SH2D4B: variants seen among roughly 807,000 people sequenced by gnomAD.
SH2D4B encodes SH2 domain-containing protein 4B.
Under a neutral mutation model 61.5 loss-of-function variants are expected in SH2D4B, and 45 were observed. That is an observed-to-expected ratio of 0.73 (90% confidence interval 0.58 to 0.94). The LOEUF (loss-of-function observed/expected upper bound fraction) is 0.94. SH2D4B is among the 40% of genes least tolerant of loss of function. The pLI is 0.00. For missense variants in SH2D4B, 572 were observed against 574.2 expected (o/e 1.00, Z 0.04); for synonymous variants, 224 against 220.4 (o/e 1.02, Z -0.14).
intron 6 of SH2D4B, among the ~76,000 whole-genome samples, chr10:80,626,033 T>C (rs1842764346): frequency 6.6e-6 from 1 of 152,224 alleles, no homozygotes; most frequent in Admixed American, 6.5e-5. Context: ...TAGTTCCATC[T>C]TTTTCAAAAC....
In SH2D4B at chr10:80,583,789, A is replaced by G. The variant is rs187599183; in HGVS notation, c.496-4841A>G. On this transcript the variant is annotated intron_variant, in intron 3 of 7. Coordinates refer to ENST00000646907, the MANE Select transcript of SH2D4B (RefSeq NM_001388272.1). ...CTATAAGGAAAAACAAGAAATTAGA[A>G]GAGAAGAAATTATCAAAGAAATGCT... 1.3e-3 allele frequency among the ~76,000 whole-genome samples: 201 copies of G among 152,336 alleles called. 1 individual carries two copies. The highest frequency in any genetic ancestry group is 4.5e-3 in the African/African-American group (188 of 41,570).
chr10:80,540,244 C>T (rs559658670), intron 1 of SH2D4B, among the ~76,000 whole-genome samples: 7 of 152,248 alleles, frequency 4.6e-5, no homozygotes, highest in Non-Finnish European at 8.8e-5. Flanking sequence ...GTCAGGATCC[C>T]GCTTGGATCC....
intron 4 of SH2D4B, among the ~76,000 whole-genome samples, chr10:80,596,515 G>A (rs1265508799): frequency 6.6e-6 from 1 of 152,210 alleles, no homozygotes; most frequent in Non-Finnish European, 1.5e-5. Flanking sequence ...TCTTGGCCTA[G>A]TGTTCTGGCC....
intron 1 of SH2D4B, among the ~76,000 whole-genome samples, chr10:80,549,799 A>T (rs1589331103): frequency 6.6e-6 from 1 of 152,036 alleles, no homozygotes; most frequent in Non-Finnish European, 1.5e-5. Context: ...AAGCTGCACA[A>T]CCTCGACTTA....
At chr10:80,603,484 T>G (rs901517155) in intron 4 of SH2D4B, 95 bp from the exon 5 acceptor site, 5 of 1,191,670 alleles carry the variant, frequency 4.2e-6, no homozygotes, top group Non-Finnish European at 5.8e-6. Context: ...ACATTGCAAT[T>G]ACTTTTGCAC....
chr10:80,599,018 T>G (rs1842414819), intron 4 of SH2D4B, among the ~76,000 whole-genome samples: 1 of 152,210 alleles, frequency 6.6e-6, no homozygotes, highest in Non-Finnish European at 1.5e-5. Flanking sequence ...TAACCAACAA[T>G]CTGCACACTG....
intron 6 of SH2D4B, among the ~76,000 whole-genome samples, chr10:80,616,688 A>G (rs1842664824): frequency 6.6e-6 from 1 of 152,166 alleles, no homozygotes; most frequent in Admixed American, 6.5e-5. Context: ...TCAGATGTAC[A>G]TTGGCTGGTA....
Position 80,584,496 on chromosome 10 carries a change from G to T in SH2D4B, c.496-4134G>T, listed in dbSNP as rs546922857. 2.6e-5 allele frequency among the ~76,000 whole-genome samples: 4 copies of T among 152,266 alleles called. No individual in the cohort carries two copies. The East Asian group carries it at 7.7e-4, about 29-fold the overall frequency. Reference sequence around the variant, plus strand: ...AAAAACCAGAAAAAATGACTGGAAAGAAAAGGCTTCCATACCTGTCATATT... The same window carrying T: ...AAAAACCAGAAAAAATGACTGGAAATAAAAGGCTTCCATACCTGTCATATT... On this transcript the variant is annotated intron_variant, in intron 3 of 7. Coordinates refer to ENST00000646907, the MANE Select transcript of SH2D4B (RefSeq NM_001388272.1).
rs558512995 is a variant in SH2D4B at position 80,632,485 on chromosome 10, C to A, written c.989-1800C>A. On this transcript the variant is annotated intron_variant, in intron 6 of 7. Coordinates refer to ENST00000646907, the MANE Select transcript of SH2D4B (RefSeq NM_001388272.1). ...GAATCGTATATAATTTGACTGTAGT[C>A]TCCCACCCTAGTAACACTCCCCTCC... Among the ~76,000 whole-genome samples the A allele has an allele frequency of 2.6e-5, 4 of 152,280 alleles. No individual in the cohort carries two copies. The East Asian group carries it at 7.7e-4, about 29-fold the overall frequency.
intron 6 of SH2D4B, among the ~76,000 whole-genome samples, chr10:80,620,505 C>T (rs1842707920): frequency 1.3e-5 from 2 of 152,124 alleles, no homozygotes; most frequent in East Asian, 1.9e-4. Flanking sequence ...TATAGTAGTG[C>T]GAGAACAGAG....
intron 6 of SH2D4B, among the ~76,000 whole-genome samples, chr10:80,617,158 G>A (rs1048919842): frequency 1.3e-5 from 2 of 152,248 alleles, no homozygotes; most frequent in Admixed American, 6.5e-5. Context: ...GGAAGGTTCA[G>A]TAGCTGCTCC....
In SH2D4B at chr10:80,572,976, A is replaced by T. The variant is rs1319149611; in HGVS notation, c.495+1398A>T. ...TATATATATATATATATATATATATATATATATATATTTTTTTTTTTTTTT... is the reference window on the plus strand; with the variant it reads ...TATATATATATATATATATATATATTTATATATATATTTTTTTTTTTTTTT... On this transcript the variant is annotated intron_variant, in intron 3 of 7. Transcript: ENST00000646907. 3.7e-3 allele frequency among the ~76,000 whole-genome samples: 28 copies of T among 7,612 alleles called. 1 individual carries two copies. The highest frequency in any genetic ancestry group is 0.015 in the African/African-American group (23 of 1,488). 5.0% of individuals were successfully genotyped at this position (7,612 alleles called of 152,430 possible).
chr10:80,573,662 AT>A (rs1333142251), intron 3 of SH2D4B, among the ~76,000 whole-genome samples: 5 of 151,790 alleles, frequency 3.3e-5, no homozygotes, highest in African/African-American at 1.2e-4. Flanking sequence ...CTTTTTGTGG[AT>A]TTTTCTTCTT....
chr10:80,570,171 A>C lies in SH2D4B; in HGVS notation c.202A>C (p.Ile68Leu). 1 of 1,614,086 alleles carries C rather than the reference A, an allele frequency of 6.2e-7. No individual in the cohort carries two copies. The highest frequency in any genetic ancestry group is 2.2e-5 in the East Asian group (1 of 44,878). Residue 68 changes from isoleucine (I) to leucine (L), a missense_variant, in exon 2 of 8, where the codon ATC becomes CTC. By Grantham distance (5) the Ile-to-Leu change is conservative (BLOSUM62 2). Transcript: ENST00000646907. ...KTKRAASDKH[I>L]QWLLGADGEV... ...TTGTGAAGCAGCGAGTGACAAGCAC[A>C]TCCAATGGCTCCTAGGGGCAGATGG...
Position 80,645,583 on chromosome 10 carries a change from C to T in SH2D4B, c.*1498C>T, listed in dbSNP as rs1003266032. ...TTTGTATGGTCTTGTAGAAGACAGT[C>T]CTGTAAGATCGAGCAACCAGTCATG... On this transcript the variant is annotated 3_prime_UTR_variant, in exon 8 of 8. Coordinates refer to ENST00000646907, the MANE Select transcript of SH2D4B (RefSeq NM_001388272.1). 6.6e-6 allele frequency: 1 copy of T among 152,178 alleles called. No homozygotes were observed. The highest frequency in any genetic ancestry group is 1.5e-5 in the Non-Finnish European group (1 of 68,060). 9.4% of individuals were successfully genotyped at this position (152,178 alleles called of 1,614,324 possible). A position where few individuals can be genotyped will look rare whatever the true frequency, so the allele number is the denominator to read the frequency against.
intron 7 of SH2D4B, among the ~76,000 whole-genome samples, chr10:80,635,626 T>A (rs1265739583): frequency 6.6e-6 from 1 of 152,124 alleles, no homozygotes; most frequent in African/African-American, 2.4e-5. Context: ...GGATCAAGGT[T>A]GATTTCTACG....
intron 1 of SH2D4B, among the ~76,000 whole-genome samples, chr10:80,563,037 G>A (rs1389083351): frequency 1.3e-5 from 2 of 150,936 alleles, no homozygotes; most frequent in East Asian, 3.9e-4. Context: ...AAGTAGCTGG[G>A]ACTACAGGCG....
intron 7 of SH2D4B, among the ~76,000 whole-genome samples, chr10:80,643,490 GAGTGGATAC>G (rs1340807715): frequency 1.3e-5 from 2 of 152,024 alleles, no homozygotes; most frequent in Non-Finnish European, 2.9e-5. Context: ...TGTCTATCAT[GAGTGGATAC>G]AGTCTTGTTT....
At position 80,634,474 on chromosome 10, in the gene SH2D4B, CA is replaced by C. The variant is rs1368823541; in HGVS notation, c.1180del (p.Thr394ArgfsTer115). 1.2e-5 allele frequency: 18 copies of C among 1,550,412 alleles called. 1 individual carries two copies. In the South Asian group the frequency reaches 2.1e-4, roughly 18 times the overall value. On this transcript the variant is annotated frameshift_variant, in exon 7 of 8. Coordinates refer to ENST00000646907, the MANE Select transcript of SH2D4B (RefSeq NM_001388272.1). LOFTEE classifies it high-confidence loss of function. ...CTGGGAGTGGACCCCAATCGCCATG[CA>C]ACGCTCACGGATCTCGTTGATTTCC... ...SFLGVDPNRH[A>X]TLTDLVDFHK...
Sources: allele counts gnomAD v4.1 joint callset (sites outside exome capture counted in the v4.1 genomes callset), GRCh38; gene constraint gnomAD v4.1.1; transcripts MANE v1.5; gene names NCBI Gene and HGNC (gene_info 2026-07-23, HGNC 2026-07-21).